Variants in CCDC3 observed in about 807,000 individuals in gnomAD.
CCDC3 encodes the protein coiled-coil domain-containing protein 3.
CCDC3 carries 24 observed loss-of-function variants against 21.4 expected under a neutral mutation model. That is an observed-to-expected ratio of 1.12 (90% CI 0.81 to 1.58). The LOEUF (loss-of-function observed/expected upper bound fraction) is 1.58, where lower values mean the gene tolerates loss of function less well. CCDC3 is among the 40% of genes most tolerant of loss of function. CCDC3 has a pLI of 0.00. For missense variants in CCDC3, 425 were observed against 360.9 expected (o/e 1.18, Z -1.44); for synonymous variants, 186 against 166.0 (o/e 1.12, Z -0.93).
upstream of CCDC3, chr10:13,099,869 G>A (rs1040312495): frequency 1.4e-4 from 22 of 152,094 alleles, no homozygotes; most frequent in African/African-American, 5.3e-4. Flanking sequence ...TTTGATTAAT[G>A]ATTTATTTTG....
intron 5 of CCDC3, among the ~76,000 whole-genome samples, chr10:13,016,670 C>T (rs1836066409): frequency 6.6e-6 from 1 of 151,948 alleles, no homozygotes; most frequent in Admixed American, 6.6e-5. Context: ...GTTAGGACTC[C>T]CTGCCTGTGG....
intron 2 of CCDC3, among the ~76,000 whole-genome samples, chr10:12,937,261 G>A (rs1347883045): frequency 2.0e-5 from 3 of 152,132 alleles, no homozygotes; most frequent in African/African-American, 7.2e-5. Flanking sequence ...GATCTAAGAG[G>A]AGCTTGTGAC....
chr10:12,945,945 C>T (rs1477238980), intron 2 of CCDC3, among the ~76,000 whole-genome samples: 2 of 152,208 alleles, frequency 1.3e-5, no homozygotes, highest in Non-Finnish European at 1.5e-5. Flanking sequence ...CAAGTAGATT[C>T]TTCTGCCTAA....
chr10:12,988,858 T>C (rs1372226791), intron 2 of CCDC3, among the ~76,000 whole-genome samples: 4 of 152,176 alleles, frequency 2.6e-5, no homozygotes, highest in Non-Finnish European at 5.9e-5. Context: ...TACAAATGAA[T>C]AAATTAAAAA....
intron 2 of CCDC3, among the ~76,000 whole-genome samples, chr10:12,974,065 G>A (rs1395568869): frequency 6.6e-6 from 1 of 152,218 alleles, no homozygotes; most frequent in African/African-American, 2.4e-5. Flanking sequence ...AGGCCTAGAG[G>A]TTCCAGAAAG....
At chr10:13,047,049 G>A (rs909243021) in intron 5 of CCDC3, among the ~76,000 whole-genome samples, 1 of 152,266 alleles carries the variant, frequency 6.6e-6, no homozygotes, top group East Asian at 1.9e-4. Context: ...GAGAGGGTGA[G>A]GGATGTTTTG....
intron 2 of CCDC3, among the ~76,000 whole-genome samples, chr10:12,916,739 G>C (rs898294650): frequency 6.6e-6 from 1 of 152,344 alleles, no homozygotes; most frequent in African/African-American, 2.4e-5. Flanking sequence ...CCGGAAGTAA[G>C]CCTGAAGTCT....
intron 3 of CCDC3, among the ~76,000 whole-genome samples, chr10:13,081,557 T>C (rs768513441): frequency 6.6e-6 from 1 of 152,228 alleles, no homozygotes; most frequent in Non-Finnish European, 1.5e-5. Flanking sequence ...AAGTTAAAGC[T>C]ACGAAAACTT....
intron 2 of CCDC3, among the ~76,000 whole-genome samples, chr10:12,907,981 A>T (rs1398327499): frequency 6.6e-6 from 1 of 152,216 alleles, no homozygotes; most frequent in East Asian, 1.9e-4. Flanking sequence ...TGGATGTGGG[A>T]AGCAGGGGGA....
intron 2 of CCDC3, among the ~76,000 whole-genome samples, chr10:12,949,837 CA>C (rs1444312984): frequency 6.6e-6 from 1 of 152,164 alleles, no homozygotes; most frequent in African/African-American, 2.4e-5. Flanking sequence ...GTAATGGGTG[CA>C]GAGACTGTCA....
At chr10:12,970,374 A>G (rs1040953155) in intron 2 of CCDC3, among the ~76,000 whole-genome samples, 3 of 152,188 alleles carry the variant, frequency 2.0e-5, no homozygotes, top group African/African-American at 7.2e-5. Flanking sequence ...TTATTGCTGT[A>G]CAACCCCATC....
At chr10:12,936,690 G>A (rs1253203687) in intron 2 of CCDC3, among the ~76,000 whole-genome samples, 4 of 152,208 alleles carry the variant, frequency 2.6e-5, no homozygotes, top group African/African-American at 9.6e-5. Flanking sequence ...CAGTGCTTTG[G>A]GAGAAGCCAA....
chr10:13,033,872 G>C (rs557491911), intron 5 of CCDC3, among the ~76,000 whole-genome samples: 4 of 152,264 alleles, frequency 2.6e-5, no homozygotes, highest in South Asian at 2.1e-4. Context: ...GGAGAAATAG[G>C]AACACTTTTA....
At chr10:13,052,938 TCACACA>T (rs56261341) in intron 4 of CCDC3, among the ~76,000 whole-genome samples, 24,045 of 134,164 alleles carry the variant, frequency 0.18, 1,999 homozygotes, top group South Asian at 0.26. Context: ...TGAGACTCTG[TCACACA>T]CACACACACA....
chr10:12,964,757 A>T (rs1835236541), intron 2 of CCDC3, among the ~76,000 whole-genome samples: 1 of 152,238 alleles, frequency 6.6e-6, no homozygotes, highest in Admixed American at 6.5e-5. Context: ...AGAGACAAAG[A>T]GGGCAAGTGA....
chr10:13,088,949 G>A (rs1219176207), intron 3 of CCDC3, among the ~76,000 whole-genome samples: 1 of 151,716 alleles, frequency 6.6e-6, no homozygotes, highest in Non-Finnish European at 1.5e-5. Context: ...GGCAAAGGTT[G>A]TAGTGAGCTA....
chr10:12,965,131 T>A (rs1835242307), intron 2 of CCDC3, among the ~76,000 whole-genome samples: 1 of 152,162 alleles, frequency 6.6e-6, no homozygotes, highest in Non-Finnish European at 1.5e-5. Context: ...TCTGAGGGTC[T>A]ATTCATCTTT....
At chr10:12,947,806 A>C (rs1023468032) in intron 2 of CCDC3, among the ~76,000 whole-genome samples, 2 of 152,224 alleles carry the variant, frequency 1.3e-5, no homozygotes, top group Non-Finnish European at 2.9e-5. Context: ...ACTTCCTTTA[A>C]GTCCTTACCA....
intron 2 of CCDC3, among the ~76,000 whole-genome samples, chr10:12,965,007 C>G (rs1283520308): frequency 6.6e-6 from 1 of 152,106 alleles, no homozygotes; most frequent in African/African-American, 2.4e-5. Context: ...GCTCAGTTGT[C>G]GTCAGTACCC....
Sources: gnomAD v4.1 joint callset for allele counts (sites outside exome capture counted in the v4.1 genomes callset) on GRCh38, gnomAD v4.1.1 for gene constraint, MANE v1.5 for transcripts, NCBI Gene and HGNC (gene_info 2026-07-23, HGNC 2026-07-21) for gene names.